BLM: variants seen among roughly 807,000 people sequenced by gnomAD.
The protein encoded by BLM is recQ-like DNA helicase BLM.
A neutral mutation model predicts 135.3 loss-of-function variants in BLM; 95 were observed. The observed-to-expected ratio is 0.70, with a 90% CI of 0.59 to 0.83. BLM has a LOEUF of 0.83. Ranked by LOEUF, BLM falls within the 40% of genes least tolerant of loss-of-function variation. The probability of loss-of-function intolerance (pLI) is 0.00; values close to 1 mark genes in which losing one functional copy is unlikely to be tolerated. For missense variants in BLM, 1,518 were observed against 1,663.9 expected (o/e 0.91, Z 1.53); for synonymous variants, 520 against 589.2 (o/e 0.88, Z 1.70).
rs556709376 is a variant in BLM, at chr15:90,738,076, C to T, written c.-4-9313C>T. ...ACATAAATGAAATGGATAAATTCCTCAAAACACATAACCACCAAGACAGAA... is the reference window on the plus strand; with the variant it reads ...ACATAAATGAAATGGATAAATTCCTTAAAACACATAACCACCAAGACAGAA... On this transcript the variant is annotated intron_variant, in intron 1 of 21. Coordinates refer to ENST00000355112, the MANE Select transcript of BLM (RefSeq NM_000057.4). Among the ~76,000 whole-genome samples, 18 of 151,994 alleles carry T rather than the reference C, an allele frequency of 1.2e-4. No individual in the cohort carries two copies. The South Asian group carries it at 3.8e-3, about 32-fold the overall frequency.
chr15:90,813,274 T>C (rs401549), intron 21 of BLM, among the ~76,000 whole-genome samples: 48,676 of 152,206 alleles, frequency 0.32, 8,819 homozygotes, highest in East Asian at 0.55. Flanking sequence ...AACTTTTGTT[T>C]GTAAGAGTGA....
chr15:90,760,304 A>T lies in BLM; in HGVS notation c.1220+25A>T, dbSNP rs28385010. ...GGTATCTTAATTTTCCCCCTTCTGGAATATATCTGATTATATTTCTACCAC... is the reference window on the plus strand; with the variant it reads ...GGTATCTTAATTTTCCCCCTTCTGGTATATATCTGATTATATTTCTACCAC... On this transcript the variant is annotated intron_variant, in intron 6 of 21. Coordinates refer to ENST00000355112, the MANE Select transcript of BLM (RefSeq NM_000057.4). 2.2e-3 allele frequency: 3,567 copies of T among 1,613,522 alleles called. 64 individuals are homozygous for T. The Admixed American group carries it at 0.033, about 15-fold the overall frequency.
rs774367622 is a variant in BLM at position 90,815,249 on chromosome 15, G to T, written c.4224G>T (p.Pro1408=). ...CTCCACCGAAGCCTATAAATAGACC[G>T]TTTCTTAAGCCTTCATATGCATTCT... is the stretch of plus-strand genomic sequence containing the variant. The part of the protein sequence containing the change: ...IMAPPKPINR[P]FLKPSYAFS Residue 1408 remains proline (P), a synonymous_variant, in exon 22 of 22, where the codon CCG becomes CCT. Coordinates refer to ENST00000355112, the MANE Select transcript of BLM (RefSeq NM_000057.4). The surrounding 1 kb of genome is among the most constrained non-coding windows in gnomAD (Gnocchi z 4.6). 1.2e-6 allele frequency: 2 copies of T among 1,613,928 alleles called. No individual in the cohort carries two copies. Among genetic ancestry groups the T allele is most frequent in the African/African-American group, 2.7e-5 (2 of 74,888 alleles).
At chr15:90,808,143 C>G (rs1044111900) in intron 19 of BLM, among the ~76,000 whole-genome samples, 8 of 152,338 alleles carry the variant, frequency 5.3e-5, no homozygotes, top group African/African-American at 1.9e-4. Flanking sequence ...AAAACTACAA[C>G]AGCTTCCCAG....
rs186779994 is a variant in BLM, at chr15:90,771,377, C to A, written c.2555+1791C>A. On this transcript the variant is annotated intron_variant, in intron 12 of 21. Transcript: ENST00000355112. ...TGGCGTGCGCCTGTAATCGCTGCTA[C>A]TCAGGAGGCTGAGGCAGGAGAATTG... Among the ~76,000 whole-genome samples, 533 of 152,230 alleles carry A rather than the reference C, an allele frequency of 3.5e-3. 2 individuals carry two copies. Among genetic ancestry groups the A allele is most frequent in the Non-Finnish European group, 4.4e-3 (299 of 68,008 alleles).
At chr15:90,807,872 C>A (rs4932365) in intron 19 of BLM, among the ~76,000 whole-genome samples, 6,142 of 152,258 alleles carry the variant, frequency 0.04, 170 homozygotes, top group Non-Finnish European at 0.059. Context: ...TGTTGACATG[C>A]TGACAGTACT....
chr15:90,797,697 T>G (rs570473551), intron 16 of BLM, among the ~76,000 whole-genome samples: 2 of 152,124 alleles, frequency 1.3e-5, no homozygotes, highest in South Asian at 4.1e-4. Flanking sequence ...CAAAAAGTCA[T>G]CTAGTAACGG....
chr15:90,782,982 C>A, intron 13 of BLM, 54 bp downstream of exon 13: 2 of 1,346,060 alleles, frequency 1.5e-6, no homozygotes, highest in Non-Finnish European at 2.1e-6. Context: ...CTTTTTAGTA[C>A]CACAATAAGA....
At chr15:90,736,338 A>G (rs1163081410) in intron 1 of BLM, among the ~76,000 whole-genome samples, 1 of 151,878 alleles carries the variant, frequency 6.6e-6, no homozygotes, top group Non-Finnish European at 1.5e-5. Flanking sequence ...ATCTTGGCTC[A>G]CTGCAGCTCA....
intron 1 of BLM, among the ~76,000 whole-genome samples, chr15:90,744,690 G>A (rs377667102): frequency 6.6e-6 from 1 of 150,594 alleles, no homozygotes; most frequent in Middle Eastern, 3.2e-3. Flanking sequence ...CTTTTAAACT[G>A]GATTCCAAAT....
At chr15:90,747,018 G>T (rs894345978) in intron 1 of BLM, among the ~76,000 whole-genome samples, 4 of 151,664 alleles carry the variant, frequency 2.6e-5, no homozygotes, top group Non-Finnish European at 5.9e-5. Context: ...CTCCCACCTC[G>T]CTCCCTTCCA....
intron 3 of BLM, among the ~76,000 whole-genome samples, chr15:90,750,488 A>G (rs979504986): frequency 6.6e-6 from 1 of 152,206 alleles, no homozygotes; most frequent in Non-Finnish European, 1.5e-5. Context: ...TAAGTGATTA[A>G]CAGCAACCCA....
chr15:90,801,924 C>T (rs1567061888), intron 17 of BLM, among the ~76,000 whole-genome samples: 1 of 152,134 alleles, frequency 6.6e-6, no homozygotes, highest in Non-Finnish European at 1.5e-5. Flanking sequence ...GGCATGGTAG[C>T]ACGCACCTGT....
At chr15:90,791,256 A>G (rs1412015980) in intron 15 of BLM, among the ~76,000 whole-genome samples, 1 of 152,178 alleles carries the variant, frequency 6.6e-6, no homozygotes. Flanking sequence ...ATAAAACACA[A>G]TCAATCGAGC....
intron 1 of BLM, among the ~76,000 whole-genome samples, chr15:90,739,283 C>T (rs1297865606): frequency 6.6e-6 from 1 of 152,092 alleles, no homozygotes; most frequent in Non-Finnish European, 1.5e-5. Flanking sequence ...CACCTGTAAT[C>T]CCAGCTACTC....
intron 19 of BLM, among the ~76,000 whole-genome samples, chr15:90,806,087 T>A (rs1472149470): frequency 6.6e-6 from 1 of 152,142 alleles, no homozygotes; most frequent in Non-Finnish European, 1.5e-5. Flanking sequence ...GTAAAAAAAA[T>A]TCTTTCAATA....
chr15:90,754,860 A>G lies in BLM; in HGVS notation c.1009A>G (p.Thr337Ala). Reference sequence around the variant, plus strand: ...TGACAGAAAAGAGGATGTTCTTAGCACATCAAAAGATCTTTTGTCAAAACC... The same window carrying G: ...TGACAGAAAAGAGGATGTTCTTAGCGCATCAAAAGATCTTTTGTCAAAACC... ...TSDRKEDVLS[T>A]SKDLLSKPEK... is the part of the protein sequence containing the mutation. Residue 337 changes from threonine to alanine, a missense_variant, in exon 5 of 22, where the codon ACA becomes GCA. Around this residue, in one of 5 missense-constraint regions of BLM, gnomAD observed 724 missense variants for 756.9 expected, o/e 0.96. Coordinates refer to ENST00000355112, the MANE Select transcript of BLM (RefSeq NM_000057.4). The G allele has an allele frequency of 6.2e-7, 1 of 1,613,988 alleles. No homozygotes were observed. Among genetic ancestry groups the G allele is most frequent in the Non-Finnish European group, 8.5e-7 (1 of 1,179,938 alleles).
chr15:90,744,384 T>A (rs1017212239), intron 1 of BLM, among the ~76,000 whole-genome samples: 5 of 152,158 alleles, frequency 3.3e-5, no homozygotes, highest in African/African-American at 1.2e-4. Flanking sequence ...TTTATTTATT[T>A]ATTTTTTGAG....
At position 90,766,953 on chromosome 15, in the gene BLM, C is replaced by T. The variant is rs769498533; in HGVS notation, c.2237C>T (p.Ala746Val). The change falls in exon 10 of 22, where the codon GCT becomes GTT. Residue 746 changes from alanine (A) to valine (V), a missense_variant. This residue lies in a region of BLM where 626 missense variants were observed against 681.1 expected (regional missense o/e 0.92). Coordinates refer to ENST00000355112, the MANE Select transcript of BLM (RefSeq NM_000057.4). ...ACAGGTGATAAGACTGACTCAGAAG[C>T]TACAAATATTTACCTCCAGTTATCA... ...YLTGDKTDSE[A>V]TNIYLQLSKK... is the part of the protein sequence containing the mutation. The T allele has an allele frequency of 3.4e-5, 54 of 1,606,150 alleles. No homozygotes were observed. The Middle Eastern group carries it at 9.9e-4, about 30-fold the overall frequency.
Sources: allele counts gnomAD v4.1 joint callset (sites outside exome capture counted in the v4.1 genomes callset), GRCh38; gene constraint gnomAD v4.1.1; regional missense constraint gnomAD v4.1.1; non-coding constraint Gnocchi (gnomAD v3.1); transcripts MANE v1.5; gene names NCBI Gene and HGNC (gene_info 2026-07-23, HGNC 2026-07-21).